C4orf51: variants seen among roughly 807,000 people sequenced by gnomAD.
C4orf51 encodes the protein uncharacterized protein C4orf51.
A neutral mutation model predicts 25.2 loss-of-function variants in C4orf51; 25 were observed. The observed-to-expected ratio is 0.99, with a 90% CI of 0.72 to 1.39. The LOEUF is 1.39. C4orf51 is among the 40% of genes most tolerant of loss of function. The pLI is 0.00. For missense variants in C4orf51, 252 were observed against 239.6 expected, an observed-to-expected ratio of 1.05 and a Z score of -0.34; for synonymous variants, 100 against 84.5, an observed-to-expected ratio of 1.18 and a Z score of -1.01.
At chr4:145,736,843 G>GC (rs575854262), downstream of C4orf51, among the ~76,000 whole-genome samples, 19 of 152,124 alleles carry the variant, frequency 1.2e-4, no homozygotes, top group Middle Eastern at 3.2e-3. Context: ...TATGACACAG[G>GC]CAATAGCACC....
At chr4:145,690,731 G>T (rs1729498362) in intron 1 of C4orf51, among the ~76,000 whole-genome samples, 1 of 152,062 alleles carries the variant, frequency 6.6e-6, no homozygotes, top group African/African-American at 2.4e-5. Context: ...TTTAATCTAT[G>T]CATCCAACAA....
intron 1 of C4orf51, chr4:145,760,731 T>C (rs1028899414): frequency 9.0e-6 from 9 of 1,003,310 alleles, no homozygotes; most frequent in African/African-American, 1.7e-5. Flanking sequence ...TTTTTTTTTT[T>C]TTTTTTGTCT....
rs1256601363 is a variant in C4orf51 at position 145,765,432 on chromosome 4, T to G, written n.167-5556T>G. On this transcript the variant is annotated intron_variant and non_coding_transcript_variant, in intron 1 of 1. Transcript: ENST00000510096. The surrounding 1 kb of genome is among the most constrained non-coding windows in gnomAD (Gnocchi z 4.7). ...AACCTTTAGGTGAGGCCCAGCATACTGCATCCTGGGCCTATTATCAGTTTT... is the reference window on the plus strand; with the variant it reads ...AACCTTTAGGTGAGGCCCAGCATACGGCATCCTGGGCCTATTATCAGTTTT... 6.0e-5 allele frequency: 76 copies of G among 1,264,230 alleles called. No homozygotes were observed. The highest frequency in any genetic ancestry group is 2.9e-4 in the East Asian group (12 of 41,038). The allele number at this position is 1,264,230 out of a possible 1,614,324, so 78.3% of individuals were successfully genotyped here.
At chr4:145,743,090 C>T (rs1579023871) in intron 1 of C4orf51, among the ~76,000 whole-genome samples, 1 of 152,228 alleles carries the variant, frequency 6.6e-6, no homozygotes, top group East Asian at 1.9e-4. Context: ...TAGGTGTGCC[C>T]TTACTGGAGT....
chr4:145,699,832 CTCTCCTTG>C (rs1395129420), intron 2 of C4orf51, among the ~76,000 whole-genome samples: 1 of 151,900 alleles, frequency 6.6e-6, no homozygotes, highest in Non-Finnish European at 1.5e-5. Flanking sequence ...CCAACCCCTT[CTCTCCTTG>C]TCTCTACCCC....
In C4orf51 at chr4:145,731,564, C is replaced by CTTTTTTTTTTTTT. The variant is rs398051305; in HGVS notation, c.502-868_502-856dup. ...TTTTTATTTATGAGACAAGGCAAATCTTTTTTTTTTTTTTTTTTTTTTTTT... is the reference window on the plus strand; with the variant it reads ...TTTTTATTTATGAGACAAGGCAAATCTTTTTTTTTTTTTTTTTTTTTTTTTTTTTTTTTTTTTT... On this transcript the variant is annotated intron_variant, in intron 5 of 5. Transcript: ENST00000438731. Among the ~76,000 whole-genome samples the CTTTTTTTTTTTTT allele has an allele frequency of 8.7e-4, 38 of 43,876 alleles. 2 individuals are homozygous for CTTTTTTTTTTTTT. Among genetic ancestry groups the CTTTTTTTTTTTTT allele is most frequent in the East Asian group, 1.7e-3 (2 of 1,206 alleles). 28.8% of individuals were successfully genotyped at this position (43,876 alleles called of 152,430 possible). A position where few individuals can be genotyped will look rare whatever the true frequency, so the allele number is the denominator to read the frequency against.
At chr4:145,791,622 T>C in the C4orf51 span, among the ~76,000 whole-genome samples, 1 of 152,222 alleles carries the variant, frequency 6.6e-6, no homozygotes, top group Non-Finnish European at 1.5e-5. Flanking sequence ...TTCTCAATAA[T>C]TTGAATACAC....
chr4:145,764,391 C>G (rs1560886330), intron 1 of C4orf51, among the ~76,000 whole-genome samples: 1 of 152,178 alleles, frequency 6.6e-6, no homozygotes, highest in Non-Finnish European at 1.5e-5. Context: ...GTTGATTGGT[C>G]TCACTTGAGA....
At chr4:145,732,422 G>A (rs1322736156) in intron 5 of C4orf51, 31 bp from the exon 6 acceptor site, 1 of 1,409,014 alleles carries the variant, frequency 7.1e-7, no homozygotes, top group Non-Finnish European at 1.0e-6. Context: ...GCGGATGAGC[G>A]AGTGTTGACA....
intron 2 of C4orf51, among the ~76,000 whole-genome samples, chr4:145,706,681 C>G (rs927603343): frequency 5.3e-5 from 8 of 152,190 alleles, no homozygotes; most frequent in Non-Finnish European, 1.0e-4. Flanking sequence ...CGCTCTGTCG[C>G]CCAGCCTGGA....
intron 2 of C4orf51, among the ~76,000 whole-genome samples, chr4:145,726,100 G>C (rs1200163052): frequency 1.3e-5 from 2 of 152,152 alleles, no homozygotes; most frequent in Non-Finnish European, 2.9e-5. Context: ...TCTCCCAAAA[G>C]CTCCAGAAGA....
intron 1 of C4orf51, among the ~76,000 whole-genome samples, chr4:145,752,547 C>T (rs1305721275): frequency 6.6e-6 from 1 of 152,178 alleles, no homozygotes; most frequent in Non-Finnish European, 1.5e-5. Flanking sequence ...CATTTCTCTT[C>T]CCTTTTCTCT....
chr4:145,696,038 C>A (rs903761388), intron 1 of C4orf51, among the ~76,000 whole-genome samples: 3 of 152,086 alleles, frequency 2.0e-5, no homozygotes, highest in Non-Finnish European at 2.9e-5. Flanking sequence ...GCAAGGTGGG[C>A]AAATCACGAG....
chr4:145,761,120 GCGGGGCCCC>G lies in C4orf51; in HGVS notation n.167-9863_167-9855del. ...TTCCGGGAGCTCCCGACCACCAGGA[GCGGGGCCCC>G]CGGGCCGGCCGGTTCCTTGGGGGCT... On this transcript the variant is annotated intron_variant and non_coding_transcript_variant, in intron 1 of 1. Transcript: ENST00000510096. The surrounding 1 kb of genome is among the most constrained non-coding windows in gnomAD (Gnocchi z 6.8). 7.8e-7 allele frequency: 1 copy of G among 1,289,640 alleles called. No individual in the cohort carries two copies. 79.9% of individuals were successfully genotyped at this position (1,289,640 alleles called of 1,614,324 possible).
chr4:145,788,567 A>G, the C4orf51 span, among the ~76,000 whole-genome samples: 1 of 152,242 alleles, frequency 6.6e-6, no homozygotes, highest in Non-Finnish European at 1.5e-5. Flanking sequence ...GGGATCCTCT[A>G]TAAAACCTTA....
In C4orf51 at chr4:145,768,913, AT is replaced by A. The variant is rs1560894776; in HGVS notation, n.167-2074del. Among the ~76,000 whole-genome samples the A allele has an allele frequency of 4.2e-3, 221 of 52,932 alleles. 43 individuals carry two copies. Among genetic ancestry groups the A allele is most frequent in the African/African-American group, 0.012 (190 of 15,394 alleles). 34.7% of individuals were successfully genotyped at this position (52,932 alleles called of 152,430 possible). A position where few individuals can be genotyped will look rare whatever the true frequency, so the allele number is the denominator to read the frequency against. ...AAAATATATATATATATATATATAT[AT>A]ATTAGGTATACAAAGTTTGGAAATA... On this transcript the variant is annotated intron_variant and non_coding_transcript_variant, in intron 1 of 1. Transcript: ENST00000510096.
chr4:145,713,395 A>G (rs1005270113), intron 2 of C4orf51, among the ~76,000 whole-genome samples: 14 of 152,256 alleles, frequency 9.2e-5, no homozygotes, highest in African/African-American at 3.4e-4. Context: ...TATGAAAATT[A>G]ACGGGAGTTT....
intron 1 of C4orf51, among the ~76,000 whole-genome samples, chr4:145,739,485 C>T (rs1366201489): frequency 6.6e-6 from 1 of 152,198 alleles, no homozygotes; most frequent in Admixed American, 6.5e-5. Context: ...ACAATAGCAT[C>T]TCTGAACAAA....
intron 1 of C4orf51, among the ~76,000 whole-genome samples, chr4:145,770,321 A>C (rs1736061158): frequency 6.9e-6 from 1 of 145,092 alleles, no homozygotes; most frequent in Non-Finnish European, 1.5e-5. Context: ...TAAATAAATA[A>C]ATAAATAAAT....
Sources: gnomAD v4.1 joint callset for allele counts (sites outside exome capture counted in the v4.1 genomes callset) on GRCh38, gnomAD v4.1.1 for gene constraint, Gnocchi (gnomAD v3.1) non-coding constraint, MANE v1.5 for transcripts, NCBI Gene and HGNC (gene_info 2026-07-23, HGNC 2026-07-21) for gene names.